Variants in RRN3 observed in about 807,000 individuals in gnomAD.
The protein encoded by RRN3 is RNA polymerase I transcription factor RRN3, also known as RNA polymerase I-specific transcription initiation factor RRN3.
Under a neutral mutation model 82.3 loss-of-function variants are expected in RRN3, and 38 were observed. That is an observed-to-expected ratio of 0.46 (90% CI 0.36 to 0.61). The LOEUF is 0.61. Ranked by LOEUF, RRN3 falls within the 20% of genes least tolerant of loss-of-function variation. RRN3 has a pLI of 0.00. For missense variants in RRN3, 726 were observed against 793.1 expected, an observed-to-expected ratio of 0.92 and a Z score of 1.02; for synonymous variants, 284 against 284.3, an observed-to-expected ratio of 1.00 and a Z score of 0.01.
chr16:15,077,297 C>A (rs1315960790), intron 9 of RRN3, among the ~76,000 whole-genome samples: 1 of 152,088 alleles, frequency 6.6e-6, no homozygotes, highest in Non-Finnish European at 1.5e-5. Context: ...CATCTTGAAT[C>A]GTACTCCTCC....
rs1226563745 is a variant in RRN3, at chr16:15,080,039, C to G, written c.724G>C (p.Glu242Gln). 1 of 1,601,028 alleles carries G rather than the reference C, an allele frequency of 6.2e-7. No individual in the cohort carries two copies. The highest frequency in any genetic ancestry group is 8.5e-7 in the Non-Finnish European group (1 of 1,173,752). Residue 242 changes from glutamate (E) to glutamine (Q), a missense_variant, in exon 9 of 18, where the codon GAA (glutamate) becomes CAA (glutamine). By Grantham distance (29) the Glu-to-Gln change is conservative. Coordinates refer to ENST00000198767, the MANE Select transcript of RRN3 (RefSeq NM_018427.5). ...TTTTCAATAATAAGCTCCAGAATTTCATGCCTCAAGGTTGGAAAATATACA... is the reference window on the plus strand; with the variant it reads ...TTTTCAATAATAAGCTCCAGAATTTGATGCCTCAAGGTTGGAAAATATACA... Reference protein sequence around the residue: ...ISVYFPTLRHEILELIIEKLL... With the variant: ...ISVYFPTLRHQILELIIEKLL...
intron 1 of RRN3, among the ~76,000 whole-genome samples, chr16:15,093,208 T>C (rs1488056568): frequency 6.6e-6 from 1 of 152,172 alleles, no homozygotes; most frequent in East Asian, 1.9e-4. Flanking sequence ...TTTCGCACGT[T>C]GGCCAGGCTG....
In RRN3 at chr16:15,092,501, C is replaced by A; in HGVS notation, c.195+8G>T. The stretch of plus-strand genomic sequence containing the variant: ...CAAAAGCAAACCTCACACATTATCT[C>A]CCCTTACCTTTTTGTACTTCAGCAA... On this transcript the variant is annotated splice_region_variant and intron_variant, in intron 2 of 17. Coordinates refer to ENST00000198767, the MANE Select transcript of RRN3 (RefSeq NM_018427.5). 1 of 1,589,364 alleles carries A rather than the reference C, an allele frequency of 6.3e-7. No homozygotes were observed. The highest frequency in any genetic ancestry group is 8.6e-7 in the Non-Finnish European group (1 of 1,157,550).
intron 9 of RRN3, among the ~76,000 whole-genome samples, chr16:15,079,246 T>C (rs1223588205): frequency 6.6e-6 from 1 of 152,218 alleles, no homozygotes; most frequent in Non-Finnish European, 1.5e-5. Flanking sequence ...TCATCTTTCC[T>C]GACAATGTCA....
In RRN3 at chr16:15,094,138, A is replaced by G. The variant is rs1157929495; in HGVS notation, c.89+7T>C. On this transcript the variant is annotated splice_region_variant and intron_variant, in intron 1 of 17. Transcript: ENST00000198767. ...AGATACGCAGAAGGAAGCGGCCTGA[A>G]TCTTACCCAGTCCTCGACGCGCCCA... 6.3e-7 allele frequency: 1 copy of G among 1,592,568 alleles called. No homozygotes were observed.
intron 9 of RRN3, among the ~76,000 whole-genome samples, chr16:15,076,982 T>C (rs1435305781): frequency 8.1e-5 from 12 of 147,712 alleles, no homozygotes; most frequent in Non-Finnish European, 1.5e-4. Flanking sequence ...CCAAATCACT[T>C]TTTTTTTTTT....
intron 3 of RRN3, among the ~76,000 whole-genome samples, chr16:15,089,620 GA>G (rs890550198): frequency 6.6e-6 from 1 of 151,658 alleles, no homozygotes; most frequent in African/African-American, 2.4e-5. Flanking sequence ...CTAACATGGT[GA>G]AACCCCACCT....
In RRN3 at chr16:15,086,177, C is replaced by G; in HGVS notation, c.424G>C (p.Val142Leu). ...FLGNLVSAQT[V>L]FLRPCLSMIA... ...ATGCTGAGACACGGTCTGAGGAAAA[C>G]AGTCTGTGCTGATACAAGATTACCA... The change falls in exon 5 of 18, where the codon GTT becomes CTT. Residue 142 changes from valine to leucine, a missense_variant. Around this residue, in one of 4 missense-constraint regions of RRN3, gnomAD observed 344 missense variants for 394.5 expected, o/e 0.87. Transcript: ENST00000198767. 1 of 1,603,348 alleles carries G rather than the reference C, an allele frequency of 6.2e-7. No homozygotes were observed. Among genetic ancestry groups the G allele is most frequent in the Admixed American group, 1.7e-5 (1 of 59,078 alleles).
At chr16:15,088,777 T>C (rs2046005409) in intron 3 of RRN3, among the ~76,000 whole-genome samples, 1 of 152,066 alleles carries the variant, frequency 6.6e-6, no homozygotes, top group Non-Finnish European at 1.5e-5. Flanking sequence ...AGCCAACAGA[T>C]AATAAATCTG....
chr16:15,061,930 G>T, intron 17 of RRN3, 25 bp from the exon 18 acceptor site: 1 of 1,597,062 alleles, frequency 6.3e-7, no homozygotes, highest in Non-Finnish European at 8.6e-7. Flanking sequence ...GAAATCATCA[G>T]TAACATCACC....
intron 8 of RRN3, among the ~76,000 whole-genome samples, chr16:15,082,347 A>G (rs2045742832): frequency 1.3e-5 from 2 of 152,002 alleles, no homozygotes; most frequent in African/African-American, 4.8e-5. Flanking sequence ...TTCTATTGCT[A>G]CAAAATATTT....
At position 15,076,340 on chromosome 16, in the gene RRN3, C is replaced by T; in HGVS notation, c.858+218G>A. The T allele has an allele frequency of 5.0e-6, 3 of 598,676 alleles. No homozygotes were observed. The East Asian group carries it at 8.2e-5, about 16-fold the overall frequency. 37.1% of individuals were successfully genotyped at this position (598,676 alleles called of 1,614,324 possible). A position where few individuals can be genotyped will look rare whatever the true frequency, so the allele number is the denominator to read the frequency against. On this transcript the variant is annotated intron_variant, in intron 10 of 17. Coordinates refer to ENST00000198767, the MANE Select transcript of RRN3 (RefSeq NM_018427.5). ...GAAAGTTACAAGAACAAAAGTGAAACATACTTCACCAAACCCAAATTCAAA... is the reference window on the plus strand; with the variant it reads ...GAAAGTTACAAGAACAAAAGTGAAATATACTTCACCAAACCCAAATTCAAA...
rs146935511 is a variant in RRN3 at position 15,073,037 on chromosome 16, C to G, written c.1041G>C (p.Leu347=). 4 of 1,612,958 alleles carry G rather than the reference C, an allele frequency of 2.5e-6. No individual in the cohort carries two copies. The African/African-American group carries it at 5.3e-5, about 22-fold the overall frequency. Residue 347 remains leucine, a synonymous_variant, in exon 12 of 18, where the codon CTG becomes CTC. Transcript: ENST00000198767. ...NGKTKDLYRD[L]INIFDKLLLP... ...ACAGGAGTTTGTCAAAGATGTTTAT[C>G]AGGTCGCGATATAGATCCTTTGTTT...
At chr16:15,077,199 G>A (rs1361707293) in intron 9 of RRN3, among the ~76,000 whole-genome samples, 5 of 151,612 alleles carry the variant, frequency 3.3e-5, no homozygotes, top group Non-Finnish European at 5.9e-5. Flanking sequence ...GGCTGGTCTC[G>A]AACTCCTGAC....
chr16:15,074,584 C>G, intron 11 of RRN3, 139 bp downstream of exon 11: 1 of 557,378 alleles, frequency 1.8e-6, no homozygotes. Flanking sequence ...AACTTGACCT[C>G]TTTAAATCAT....
chr16:15,087,457 G>A (rs984310482), intron 3 of RRN3, among the ~76,000 whole-genome samples: 7 of 152,156 alleles, frequency 4.6e-5, no homozygotes, highest in Admixed American at 4.6e-4. Context: ...GCTATCCTCT[G>A]TCCACCGTCC....
At chr16:15,063,574 G>A (rs1374222301) in intron 16 of RRN3, among the ~76,000 whole-genome samples, 1 of 151,762 alleles carries the variant, frequency 6.6e-6, no homozygotes, top group African/African-American at 2.4e-5. Context: ...CGGGTGTGGT[G>A]GCGGACACCT....
intron 10 of RRN3, among the ~76,000 whole-genome samples, chr16:15,076,275 C>T (rs1412165499): frequency 2.0e-5 from 3 of 152,206 alleles, no homozygotes; most frequent in Non-Finnish European, 4.4e-5. Context: ...CTATTAACCA[C>T]GCCCTCACAG....
chr16:15,080,797 T>C (rs889583955), intron 8 of RRN3, among the ~76,000 whole-genome samples: 2 of 149,354 alleles, frequency 1.3e-5, no homozygotes, highest in Non-Finnish European at 3.0e-5. Context: ...AATGAAGACC[T>C]TGGCAACCAC....
Sources: gnomAD v4.1 joint callset for allele counts (sites outside exome capture counted in the v4.1 genomes callset) on GRCh38, gnomAD v4.1.1 for gene constraint, gnomAD v4.1.1 regional missense constraint, MANE v1.5 for transcripts, NCBI Gene and HGNC (gene_info 2026-07-23, HGNC 2026-07-21) for gene names.